The following CCAR1 variants were observed in gnomAD, a reference collection of about 807,000 sequenced individuals.
CCAR1 encodes cell division cycle and apoptosis regulator protein 1.
A neutral mutation model predicts 163.8 loss-of-function variants in CCAR1; 78 were observed. That is an observed-to-expected ratio of 0.48 (90% CI 0.40 to 0.57). The LOEUF (loss-of-function observed/expected upper bound fraction) is 0.57, where lower values mean the gene tolerates loss of function less well. Among genes scored for constraint, CCAR1 ranks in the 20% least tolerant of loss-of-function variants. The probability of loss-of-function intolerance (pLI) is 0.00; values close to 1 mark genes in which losing one functional copy is unlikely to be tolerated. For missense variants in CCAR1, 1,019 were observed against 1,365.2 expected (o/e 0.75, Z 4.00); for synonymous variants, 443 against 460.7 (o/e 0.96, Z 0.49).
At chr10:68,752,928 A>G (rs573555083) in intron 10 of CCAR1, among the ~76,000 whole-genome samples, 1 of 146,434 alleles carries the variant, frequency 6.8e-6, no homozygotes, top group African/African-American at 2.7e-5. Flanking sequence ...AGATAGATAG[A>G]TAGATAGATA....
Position 68,788,027 on chromosome 10 carries a change from C to A in CCAR1, c.2981C>A (p.Ser994Ter). The change falls in exon 22 of 25, where the codon TCA becomes TAA. Residue 994 changes from serine to a stop codon, truncating the protein, a stop_gained. Coordinates refer to ENST00000265872, the MANE Select transcript of CCAR1 (RefSeq NM_018237.4). LOFTEE classifies it high-confidence loss of function. ...GAAGAGAACCATGAAGAGTCTGAGT[C>A]ATTGCAGGAAGATATGCTAGGTCTG... ...KDEENHEESESLQEDMLGNRL... is the reference protein window; with the variant it reads ...KDEENHEESE 1 of 1,607,772 alleles carries A rather than the reference C, an allele frequency of 6.2e-7. No homozygotes were observed. Among genetic ancestry groups the A allele is most frequent in the South Asian group, 1.1e-5 (1 of 89,244 alleles).
intron 2 of CCAR1, among the ~76,000 whole-genome samples, chr10:68,722,813 T>C (rs541718478): frequency 8.6e-5 from 13 of 151,946 alleles, no homozygotes; most frequent in African/African-American, 2.7e-4. Context: ...TCCTAGCTAC[T>C]CAGGAGGCTG....
At chr10:68,762,755 A>G (rs1429975805) in intron 16 of CCAR1, among the ~76,000 whole-genome samples, 2 of 151,918 alleles carry the variant, frequency 1.3e-5, no homozygotes, top group East Asian at 3.8e-4. Context: ...TAAATTTTTT[A>G]TTTTTTTTAA....
chr10:68,763,906 C>T (rs1449846585), intron 16 of CCAR1, among the ~76,000 whole-genome samples: 1 of 152,080 alleles, frequency 6.6e-6, no homozygotes, highest in Admixed American at 6.5e-5. Flanking sequence ...TATCCTTGTC[C>T]TAGTTCAGGA....
At chr10:68,731,877 C>A (rs896488120) in intron 2 of CCAR1, among the ~76,000 whole-genome samples, 1 of 152,114 alleles carries the variant, frequency 6.6e-6, no homozygotes, top group Non-Finnish European at 1.5e-5. Context: ...AGGCATGAGC[C>A]GCAGTACCTA....
In CCAR1 at chr10:68,735,282, G is replaced by A. The variant is rs1347013104; in HGVS notation, c.74-1594G>A. On this transcript the variant is annotated intron_variant, in intron 2 of 24. Transcript: ENST00000265872. Reference sequence around the variant, plus strand: ...AGGATCACTTGAACCTGGGGAGGTCGAGGCGTCCATAAGCTGTGATTGCAC... The same window carrying A: ...AGGATCACTTGAACCTGGGGAGGTCAAGGCGTCCATAAGCTGTGATTGCAC... 4.6e-5 allele frequency among the ~76,000 whole-genome samples: 7 copies of A among 151,940 alleles called. No homozygotes were observed. The East Asian group carries it at 1.2e-3, about 25-fold the overall frequency.
Position 68,791,415 on chromosome 10 carries a change from T to C in CCAR1, c.*149T>C. On this transcript the variant is annotated 3_prime_UTR_variant, in exon 25 of 25. Coordinates refer to ENST00000265872, the MANE Select transcript of CCAR1 (RefSeq NM_018237.4). Reference sequence around the variant, plus strand: ...ATGTATAAAGTTTTATGAATGTGAGTTTCTGCTTTTGAAAATTGCTTGTAA... The same window carrying C: ...ATGTATAAAGTTTTATGAATGTGAGCTTCTGCTTTTGAAAATTGCTTGTAA... The C allele has an allele frequency of 2.1e-6, 1 of 485,144 alleles. No homozygotes were observed. The highest frequency in any genetic ancestry group is 3.6e-6 in the Non-Finnish European group (1 of 274,590). 30.1% of individuals were successfully genotyped at this position (485,144 alleles called of 1,614,324 possible).
At chr10:68,783,255 T>C (rs997181834) in intron 19 of CCAR1, among the ~76,000 whole-genome samples, 1 of 152,034 alleles carries the variant, frequency 6.6e-6, no homozygotes, top group Admixed American at 6.6e-5. Flanking sequence ...AGTGGCACGA[T>C]CTTGGCTCAC....
chr10:68,771,711 A>G (rs2056604639), intron 18 of CCAR1, among the ~76,000 whole-genome samples: 1 of 151,904 alleles, frequency 6.6e-6, no homozygotes, highest in Non-Finnish European at 1.5e-5. Context: ...TAAACCTGGG[A>G]GGTGGAGGTT....
intron 19 of CCAR1, among the ~76,000 whole-genome samples, chr10:68,782,997 ACT>A (rs1319857436): frequency 4.4e-5 from 5 of 114,084 alleles, no homozygotes; most frequent in Non-Finnish European, 7.0e-5. Context: ...ATTTCACTTT[ACT>A]CTTTTTTTTT....
intron 17 of CCAR1, among the ~76,000 whole-genome samples, chr10:68,767,140 T>TATA (rs2056546202): frequency 3.3e-5 from 5 of 152,228 alleles, no homozygotes; most frequent in Admixed American, 3.3e-4. Context: ...AATGCTTTAT[T>TATA]ATTTTCTCTA....
rs569066998 is a variant in CCAR1 at position 68,778,999 on chromosome 10, C to T, written c.2650+5900C>T. ...CTGAGTAGCTGGGATCACAGGCCCACGCCTGGCTAATTTTTTTGTTTTTTT... is the reference window on the plus strand; with the variant it reads ...CTGAGTAGCTGGGATCACAGGCCCATGCCTGGCTAATTTTTTTGTTTTTTT... On this transcript the variant is annotated intron_variant, in intron 19 of 24. Transcript: ENST00000265872. Among the ~76,000 whole-genome samples the T allele has an allele frequency of 3.9e-5, 6 of 152,194 alleles. No homozygotes were observed. In the South Asian group the frequency reaches 1.2e-3, roughly 32 times the overall value.
chr10:68,749,437 G>A, intron 9 of CCAR1, 87 bp from the exon 10 acceptor site: 1 of 1,267,114 alleles, frequency 7.9e-7, no homozygotes, highest in East Asian at 2.5e-5. Context: ...GTGGATTCTT[G>A]CTTATATTAC....
intron 13 of CCAR1, among the ~76,000 whole-genome samples, 160 bp downstream of exon 13, chr10:68,755,696 C>A (rs1344535555): frequency 6.6e-6 from 1 of 151,954 alleles, no homozygotes; most frequent in East Asian, 1.9e-4. Context: ...TTATTTGGTG[C>A]CAAAATGTTT....
intron 17 of CCAR1, among the ~76,000 whole-genome samples, 187 bp from the exon 18 acceptor site, chr10:68,771,007 GGTGGAGCTTGCT>G: frequency 6.6e-6 from 1 of 152,270 alleles, no homozygotes; most frequent in Non-Finnish European, 1.5e-5. Context: ...GAACCCGGGA[GGTGGAGCTTGCT>G]GTGAGCCAAG....
chr10:68,772,668 G>A (rs1448075826), intron 18 of CCAR1, among the ~76,000 whole-genome samples: 1 of 151,514 alleles, frequency 6.6e-6, no homozygotes, highest in Non-Finnish European at 1.5e-5. Context: ...TGAGGTGGGT[G>A]GATCACTTGA....
chr10:68,751,016 C>CT (rs1316415816), intron 10 of CCAR1, among the ~76,000 whole-genome samples: 50 of 146,278 alleles, frequency 3.4e-4, no homozygotes, highest in African/African-American at 1.1e-3. Context: ...TCAGCACCTA[C>CT]TTTTTTTTTT....
chr10:68,788,275 A>G lies in CCAR1; in HGVS notation c.3134A>G (p.Glu1045Gly), dbSNP rs1317887384. 17 of 1,598,968 alleles carry G rather than the reference A, an allele frequency of 1.1e-5. No homozygotes were observed. The highest frequency in any genetic ancestry group is 1.4e-5 in the Non-Finnish European group (16 of 1,175,524). ...GSLLQKLEKS[E>G]KVRAEVEQKL... is the part of the protein sequence containing the mutation. ...CTCTTGCAAAAATTGGAAAAGAGCGAAAAAGTAAGAGCTGAGGTAGAACAG... is the reference window on the plus strand; with the variant it reads ...CTCTTGCAAAAATTGGAAAAGAGCGGAAAAGTAAGAGCTGAGGTAGAACAG... The change falls in exon 23 of 25, where the codon GAA becomes GGA. Residue 1045 changes from glutamate (E) to glycine (G), a missense_variant. Coordinates refer to ENST00000265872, the MANE Select transcript of CCAR1 (RefSeq NM_018237.4).
At chr10:68,765,082 A>G (rs1296286667) in intron 16 of CCAR1, among the ~76,000 whole-genome samples, 1 of 152,154 alleles carries the variant, frequency 6.6e-6, no homozygotes, top group Admixed American at 6.6e-5. Context: ...TTTGTCAGAA[A>G]CACATGTTGG....
Sources: allele counts gnomAD v4.1 joint callset (sites outside exome capture counted in the v4.1 genomes callset), GRCh38; gene constraint gnomAD v4.1.1; transcripts MANE v1.5; gene names NCBI Gene and HGNC (gene_info 2026-07-23, HGNC 2026-07-21).